WDR70: variants seen among roughly 807,000 people sequenced by gnomAD.
WDR70 encodes the protein WD repeat domain 70.
Under a neutral mutation model 88.6 loss-of-function variants are expected in WDR70, and 53 were observed. That is an observed-to-expected ratio of 0.60 (90% CI 0.48 to 0.75). WDR70 has a LOEUF of 0.75. Ranked by LOEUF, WDR70 falls within the 30% of genes least tolerant of loss-of-function variation. The pLI is 0.00. For missense variants in WDR70, 610 were observed against 823.2 expected, an observed-to-expected ratio of 0.74 and a Z score of 3.17; for synonymous variants, 280 against 270.0, an observed-to-expected ratio of 1.04 and a Z score of -0.36.
At chr5:37,717,764 C>G (rs897535914) in intron 13 of WDR70, among the ~76,000 whole-genome samples, 7 of 152,302 alleles carry the variant, frequency 4.6e-5, no homozygotes, top group African/African-American at 1.4e-4. Flanking sequence ...GTAGCCAGCT[C>G]TCTGCTATAA....
intron 5 of WDR70, among the ~76,000 whole-genome samples, chr5:37,401,988 C>T (rs1212426353): frequency 6.6e-6 from 1 of 152,140 alleles, no homozygotes; most frequent in Admixed American, 6.5e-5. Context: ...CAGTTGTTAA[C>T]TATAGTTACT....
chr5:37,613,255 T>C (rs2112490637), intron 10 of WDR70, among the ~76,000 whole-genome samples: 1 of 152,314 alleles, frequency 6.6e-6, no homozygotes, highest in Non-Finnish European at 1.5e-5. Flanking sequence ...CATGGTAGGT[T>C]AAACACATTT....
rs1205684108 is a variant in WDR70, at chr5:37,731,486, G to A, written c.1877+4441G>A. The stretch of plus-strand genomic sequence containing the variant: ...GCCTTCATTTGAATAGTATTTATAT[G>A]TGTATAAACTAATCCATGTCAACAC... On this transcript the variant is annotated intron_variant, in intron 17 of 17. Transcript: ENST00000265107. 3.9e-5 allele frequency among the ~76,000 whole-genome samples: 6 copies of A among 152,260 alleles called. No individual in the cohort carries two copies. In the East Asian group the frequency reaches 1.2e-3, roughly 29 times the overall value.
At chr5:37,564,759 C>T (rs955365634) in intron 9 of WDR70, among the ~76,000 whole-genome samples, 1 of 152,108 alleles carries the variant, frequency 6.6e-6, no homozygotes, top group Non-Finnish European at 1.5e-5. Context: ...TATATAGGAT[C>T]CAATAAAATT....
chr5:37,722,939 G>A lies in WDR70; in HGVS notation c.1597+5G>A, dbSNP rs1561091329. The stretch of plus-strand genomic sequence containing the variant: ...CTCAGGACTACATCATCACCCGTAA[G>A]TCGTTAACATGCCTCTCAATCATGC... On this transcript the variant is annotated splice_donor_5th_base_variant and intron_variant, in intron 15 of 17. Coordinates refer to ENST00000265107, the MANE Select transcript of WDR70 (RefSeq NM_018034.4). 1 of 1,613,466 alleles carries A rather than the reference G, an allele frequency of 6.2e-7. No homozygotes were observed. The highest frequency in any genetic ancestry group is 8.5e-7 in the Non-Finnish European group (1 of 1,179,572).
intron 7 of WDR70, among the ~76,000 whole-genome samples, chr5:37,467,692 C>T (rs1377742047): frequency 2.0e-5 from 3 of 151,698 alleles, no homozygotes; most frequent in Non-Finnish European, 2.9e-5. Flanking sequence ...CCCGCCACTG[C>T]GCCCGGCTAA....
rs542232722 is a variant in WDR70 at position 37,511,048 on chromosome 5, C to T, written c.841-5466C>T. ...ACCAGGTTTTTCCACTATAAAGTTA[C>T]TGTCTTCTCATTGCAATTACTAAGT... On this transcript the variant is annotated intron_variant, in intron 8 of 17. Coordinates refer to ENST00000265107, the MANE Select transcript of WDR70 (RefSeq NM_018034.4). 1.2e-4 allele frequency among the ~76,000 whole-genome samples: 19 copies of T among 152,256 alleles called. No homozygotes were observed. In the South Asian group the frequency reaches 1.7e-3, roughly 13 times the overall value.
chr5:37,632,840 C>G (rs1744855845), intron 10 of WDR70, among the ~76,000 whole-genome samples: 1 of 152,146 alleles, frequency 6.6e-6, no homozygotes, highest in Admixed American at 6.5e-5. Flanking sequence ...CCTTCACATT[C>G]ACTAACTACT....
At chr5:37,656,430 C>T (rs113597511) in intron 10 of WDR70, among the ~76,000 whole-genome samples, 10,233 of 150,510 alleles carry the variant, frequency 0.068, 416 homozygotes, top group South Asian at 0.14. Context: ...GGTCAGGGAC[C>T]CACTTGAGGA....
At chr5:37,709,600 T>G (rs1199482077) in intron 13 of WDR70, among the ~76,000 whole-genome samples, 2 of 152,020 alleles carry the variant, frequency 1.3e-5, no homozygotes, top group Non-Finnish European at 2.9e-5. Context: ...AGTTTTAGTG[T>G]AAATTTGCCA....
chr5:37,467,108 T>A (rs1739173942), intron 7 of WDR70, among the ~76,000 whole-genome samples: 1 of 151,468 alleles, frequency 6.6e-6, no homozygotes, highest in South Asian at 2.1e-4. Flanking sequence ...ACGCCTGTAG[T>A]CTGAGCTACT....
intron 5 of WDR70, among the ~76,000 whole-genome samples, chr5:37,398,717 CAA>C (rs1284735997): frequency 2.0e-5 from 3 of 152,114 alleles, no homozygotes; most frequent in African/African-American, 4.8e-5. Context: ...AGAAAACAAA[CAA>C]GAATAAAATA....
At chr5:37,666,452 C>T (rs1258059209) in intron 10 of WDR70, among the ~76,000 whole-genome samples, 1 of 152,196 alleles carries the variant, frequency 6.6e-6, no homozygotes, top group Admixed American at 6.5e-5. Flanking sequence ...AAAGGCCAAT[C>T]AGCTTGTGCT....
intron 8 of WDR70, among the ~76,000 whole-genome samples, chr5:37,487,348 C>G (rs1306564670): frequency 6.6e-6 from 1 of 151,864 alleles, no homozygotes; most frequent in Non-Finnish European, 1.5e-5. Flanking sequence ...TAGTAGATTT[C>G]ATAGGATACT....
chr5:37,546,823 C>T (rs1405156654), intron 9 of WDR70, among the ~76,000 whole-genome samples: 2 of 151,710 alleles, frequency 1.3e-5, no homozygotes, highest in African/African-American at 4.8e-5. Flanking sequence ...GAGGCTGAGG[C>T]AGGAGAATTG....
intron 8 of WDR70, chr5:37,506,338 AT>A: frequency 2.2e-6 from 2 of 899,522 alleles, no homozygotes; most frequent in Non-Finnish European, 3.8e-6. Context: ...ATACCAAAAA[AT>A]CTTGCTTCTT....
chr5:37,532,720 G>A (rs371303042), intron 9 of WDR70, among the ~76,000 whole-genome samples: 9 of 151,876 alleles, frequency 5.9e-5, no homozygotes, highest in African/African-American at 1.7e-4. Context: ...TGTTGACTCC[G>A]TGATTCGCTT....
chr5:37,745,157 C>G (rs1748599669), intron 17 of WDR70, among the ~76,000 whole-genome samples: 1 of 152,076 alleles, frequency 6.6e-6, no homozygotes, highest in African/African-American at 2.4e-5. Flanking sequence ...CCCAGAATTT[C>G]ATATCCAGCC....
chr5:37,540,027 A>G (rs561237774), intron 9 of WDR70, among the ~76,000 whole-genome samples: 2 of 152,320 alleles, frequency 1.3e-5, no homozygotes, highest in South Asian at 2.1e-4. Flanking sequence ...AATGAACAGT[A>G]GTAACAATTG....
Sources: allele counts gnomAD v4.1 joint callset (sites outside exome capture counted in the v4.1 genomes callset), GRCh38; gene constraint gnomAD v4.1.1; transcripts MANE v1.5; gene names NCBI Gene and HGNC (gene_info 2026-07-23, HGNC 2026-07-21).